Variants in PIK3CB observed in about 807,000 individuals in gnomAD.
PIK3CB encodes phosphatidylinositol-4,5-bisphosphate 3-kinase catalytic subunit beta.
A neutral mutation model predicts 136.8 loss-of-function variants in PIK3CB; 39 were observed. The observed-to-expected ratio is 0.29, with a 90% CI of 0.22 to 0.37. The LOEUF (loss-of-function observed/expected upper bound fraction) is 0.37, where lower values mean the gene tolerates loss of function less well. Among genes scored for constraint, PIK3CB ranks in the 10% least tolerant of loss-of-function variants. The pLI is 1.00. For missense variants in PIK3CB, 868 were observed against 1,275.4 expected, an observed-to-expected ratio of 0.68 and a Z score of 4.87; for synonymous variants, 428 against 436.6, an observed-to-expected ratio of 0.98 and a Z score of 0.25.
At chr3:138,829,294 A>G (rs1482679191) in intron 1 of PIK3CB, among the ~76,000 whole-genome samples, 2 of 152,168 alleles carry the variant, frequency 1.3e-5, no homozygotes, top group Admixed American at 6.6e-5. Flanking sequence ...ATTCGCTGAC[A>G]TGCAGATAAA....
chr3:138,757,444 TACC>T (rs2045590220), intron 3 of PIK3CB, among the ~76,000 whole-genome samples: 1 of 140,858 alleles, frequency 7.1e-6, no homozygotes, highest in African/African-American at 2.7e-5. Flanking sequence ...CACAATGAGA[TACC>T]ACTTCACATC....
chr3:138,654,689 T>C lies in PIK3CB; in HGVS notation c.*700A>G, dbSNP rs1030595059. ...TTTTGTAAAACTTTAAATCACAGGC[T>C]GAAGAATACCAAAGAAACATTTATA... is the stretch of plus-strand genomic sequence containing the variant. On this transcript the variant is annotated 3_prime_UTR_variant, in exon 24 of 24. Transcript: ENST00000674063. 4.1e-5 allele frequency: 9 copies of C among 221,456 alleles called. No homozygotes were observed. Among genetic ancestry groups the C allele is most frequent in the Non-Finnish European group, 8.1e-5 (9 of 110,736 alleles). The allele number at this position is 221,456 out of a possible 1,614,324, so 13.7% of individuals were successfully genotyped here.
chr3:138,817,866 C>G (rs1933402824), intron 1 of PIK3CB, among the ~76,000 whole-genome samples: 1 of 152,084 alleles, frequency 6.6e-6, no homozygotes, highest in Non-Finnish European at 1.5e-5. Context: ...GTGGGAGGAG[C>G]AAGTACTTGA....
At chr3:138,680,861 G>C (rs978546542) in intron 19 of PIK3CB, among the ~76,000 whole-genome samples, 1 of 151,560 alleles carries the variant, frequency 6.6e-6, no homozygotes. Flanking sequence ...CTAATTTTTT[G>C]TATTTTTAGT....
At chr3:138,769,555 C>T (rs1438527288) in intron 2 of PIK3CB, among the ~76,000 whole-genome samples, 1 of 152,168 alleles carries the variant, frequency 6.6e-6, no homozygotes, top group Non-Finnish European at 1.5e-5. Context: ...GCTTCATGCA[C>T]AACCCTTTAA....
At chr3:138,683,168 C>T (rs1361293123) in intron 18 of PIK3CB, among the ~76,000 whole-genome samples, 2 of 152,024 alleles carry the variant, frequency 1.3e-5, no homozygotes, top group Non-Finnish European at 2.9e-5. Flanking sequence ...CCCTGGTCAA[C>T]ATGGTGAAAC....
chr3:138,745,322 C>T (rs898541480), intron 4 of PIK3CB, among the ~76,000 whole-genome samples: 6 of 152,058 alleles, frequency 3.9e-5, no homozygotes, highest in Non-Finnish European at 8.8e-5. Context: ...TCAAAAGAAC[C>T]TTAAAAGGCA....
chr3:138,824,864 A>G (rs544388432), intron 1 of PIK3CB, among the ~76,000 whole-genome samples: 1 of 149,286 alleles, frequency 6.7e-6, no homozygotes, highest in Non-Finnish European at 1.5e-5. Context: ...CCTGGGCAAC[A>G]TGGTGAAACA....
intron 22 of PIK3CB, chr3:138,657,279 G>A (rs541275292): frequency 1.2e-5 from 2 of 160,250 alleles, no homozygotes; most frequent in African/African-American, 4.8e-5. Flanking sequence ...AAAAAGACAA[G>A]TATTATGCTT....
At chr3:138,684,511 C>T in intron 17 of PIK3CB, 114 bp downstream of exon 17, 1 of 643,086 alleles carries the variant, frequency 1.6e-6, no homozygotes, top group Admixed American at 3.7e-5. Flanking sequence ...GATTTTCCTT[C>T]CTTAATTATA....
intron 2 of PIK3CB, among the ~76,000 whole-genome samples, chr3:138,786,417 G>GC (rs1462899910): frequency 6.6e-6 from 1 of 151,606 alleles, no homozygotes; most frequent in African/African-American, 2.4e-5. Context: ...GTATAATGAC[G>GC]CGATCTTGGC....
intron 1 of PIK3CB, among the ~76,000 whole-genome samples, chr3:138,815,013 G>A (rs1056266354): frequency 7.9e-5 from 12 of 151,284 alleles, no homozygotes; most frequent in African/African-American, 2.4e-4. Flanking sequence ...GGTGGCAGGC[G>A]CCTACAGTCC....
chr3:138,676,901 T>C (rs1249768822), intron 19 of PIK3CB, among the ~76,000 whole-genome samples: 1 of 152,120 alleles, frequency 6.6e-6, no homozygotes, highest in Non-Finnish European at 1.5e-5. Flanking sequence ...TTGATAAAAA[T>C]GTTGTAAAAT....
chr3:138,688,869 T>A lies in PIK3CB; in HGVS notation c.2136+6A>T. 6.3e-7 allele frequency: 1 copy of A among 1,582,038 alleles called. No individual in the cohort carries two copies. The highest frequency in any genetic ancestry group is 8.7e-7 in the Non-Finnish European group (1 of 1,151,180). On this transcript the variant is annotated splice_donor_region_variant and intron_variant, in intron 16 of 23. Coordinates refer to ENST00000674063, the MANE Select transcript of PIK3CB (RefSeq NM_006219.3). The stretch of plus-strand genomic sequence containing the variant: ...GAAAAAATGAATAAATAAAACAAGC[T>A]GATACCTGCTTAGAAAGCACTTTCA...
rs370324407 is a variant in PIK3CB at position 138,699,179 on chromosome 3, T to C, written c.1582-84A>G. 1.8e-4 allele frequency: 73 copies of C among 406,106 alleles called. 1 individual carries two copies. In the South Asian group the frequency reaches 7.9e-3, roughly 44 times the overall value. 25.2% of individuals were successfully genotyped at this position (406,106 alleles called of 1,614,324 possible). On this transcript the variant is annotated intron_variant, in intron 12 of 23. Coordinates refer to ENST00000674063, the MANE Select transcript of PIK3CB (RefSeq NM_006219.3). ...CAGTAAATTTATATATATTTATATA[T>C]AATAAATGAACCTAAGTATGTGAGA...
intron 4 of PIK3CB, among the ~76,000 whole-genome samples, chr3:138,750,151 T>A (rs771481165): frequency 6.6e-6 from 1 of 152,170 alleles, no homozygotes; most frequent in Non-Finnish European, 1.5e-5. Context: ...AGTACTGGGA[T>A]TATAGGAATA....
At chr3:138,738,939 C>T (rs893168855) in intron 5 of PIK3CB, among the ~76,000 whole-genome samples, 13 of 152,178 alleles carry the variant, frequency 8.5e-5, no homozygotes, top group Non-Finnish European at 1.9e-4. Context: ...ACTAAACTTA[C>T]TATTTCACAT....
intron 19 of PIK3CB, among the ~76,000 whole-genome samples, chr3:138,671,399 G>A (rs894157798): frequency 2.6e-5 from 4 of 151,998 alleles, no homozygotes; most frequent in South Asian, 4.1e-4. Flanking sequence ...TCGATCACAC[G>A]TCTAACCGTT....
chr3:138,831,261 TAA>T (rs1553745233), intron 1 of PIK3CB, among the ~76,000 whole-genome samples: 1 of 145,406 alleles, frequency 6.9e-6, no homozygotes, highest in Non-Finnish European at 1.5e-5. Flanking sequence ...CCGTCTCAAA[TAA>T]ATAAAATAAA....
Sources: allele counts gnomAD v4.1 joint callset (sites outside exome capture counted in the v4.1 genomes callset), GRCh38; gene constraint gnomAD v4.1.1; transcripts MANE v1.5; gene names NCBI Gene and HGNC (gene_info 2026-07-23, HGNC 2026-07-21).